The following TANC2 variants were observed in gnomAD, a reference collection of about 807,000 sequenced individuals.
TANC2 encodes protein TANC2.
Under a neutral mutation model 210.5 loss-of-function variants are expected in TANC2, and 26 were observed. That is an observed-to-expected ratio of 0.12 (90% CI 0.09 to 0.17). The LOEUF is 0.17. Among genes scored for constraint, TANC2 ranks in the 10% least tolerant of loss-of-function variants. The probability of loss-of-function intolerance (pLI) is 1.00; values close to 1 mark genes in which losing one functional copy is unlikely to be tolerated. For missense variants in TANC2, 2,129 were observed against 2,608.9 expected (o/e 0.82, Z 4.01); for synonymous variants, 931 against 967.1 (o/e 0.96, Z 0.69).
intron 5 of TANC2, among the ~76,000 whole-genome samples, chr17:63,156,976 C>T (rs369156137): frequency 4.6e-5 from 7 of 152,176 alleles, no homozygotes; most frequent in Non-Finnish European, 1.0e-4. Context: ...AGATTATAGG[C>T]GTGAGCCACC....
intron 14 of TANC2, among the ~76,000 whole-genome samples, chr17:63,356,457 CTG>C (rs1179434565): frequency 6.6e-6 from 1 of 152,148 alleles, no homozygotes; most frequent in Non-Finnish European, 1.5e-5. Context: ...GAATAAAACT[CTG>C]TGTTCATGCT....
At chr17:63,200,628 G>A (rs993164642) in intron 6 of TANC2, 143 bp from the exon 7 acceptor site, 41 of 673,216 alleles carry the variant, frequency 6.1e-5, no homozygotes, top group Admixed American at 2.6e-4. Flanking sequence ...GTCCTTATCC[G>A]AGAAAGCAAA....
intron 5 of TANC2, among the ~76,000 whole-genome samples, chr17:63,179,566 A>T (rs1041986897): frequency 6.6e-6 from 1 of 152,344 alleles, no homozygotes; most frequent in East Asian, 1.9e-4. Context: ...ATTATTCCAG[A>T]AATAAACTTC....
chr17:63,274,474 A>G (rs548462012), intron 9 of TANC2, among the ~76,000 whole-genome samples: 1 of 152,330 alleles, frequency 6.6e-6, no homozygotes, highest in East Asian at 1.9e-4. Flanking sequence ...TGTCTTTGAT[A>G]GATATTAATT....
At chr17:63,168,363 A>G (rs1172643555) in intron 5 of TANC2, among the ~76,000 whole-genome samples, 1 of 152,156 alleles carries the variant, frequency 6.6e-6, no homozygotes, top group African/African-American at 2.4e-5. Flanking sequence ...CCCCAGTTGC[A>G]TGTTAATAAT....
At chr17:63,312,483 T>C (rs12600641) in intron 9 of TANC2, among the ~76,000 whole-genome samples, 21,555 of 152,206 alleles carry the variant, frequency 0.14, 1,977 homozygotes, top group Middle Eastern at 0.21. Context: ...AACCAAATTC[T>C]ACATGTCCTC....
intron 8 of TANC2, among the ~76,000 whole-genome samples, chr17:63,261,448 T>G (rs1297743870): frequency 2.0e-5 from 3 of 152,078 alleles, no homozygotes; most frequent in Non-Finnish European, 4.4e-5. Context: ...ATGAAGGGGA[T>G]CCTGCTCAGC....
chr17:63,220,713 A>ATATATATATATATATATATATATAT (rs1302451440), intron 7 of TANC2, among the ~76,000 whole-genome samples: 16 of 140,554 alleles, frequency 1.1e-4, no homozygotes, highest in Non-Finnish European at 2.5e-4. Flanking sequence ...CAAAAAAAAA[A>ATATATATATATATATATATATATAT]AAAAAAATAT....
chr17:62,989,361 C>T (rs2143549306), intron 1 of TANC2, among the ~76,000 whole-genome samples: 2 of 152,274 alleles, frequency 1.3e-5, no homozygotes, highest in South Asian at 4.1e-4. Context: ...AGAAGTGTCG[C>T]TGAGTGCAAA....
At chr17:63,411,956 C>G in intron 22 of TANC2, 42 bp from the exon 23 acceptor site, 1 of 1,610,858 alleles carries the variant, frequency 6.2e-7, no homozygotes, top group Non-Finnish European at 8.5e-7. Flanking sequence ...AGTGCTGAGC[C>G]ATTACGCCTG....
Position 63,318,879 on chromosome 17 carries a change from G to T in TANC2, c.1442-78G>T. 8 of 1,518,240 alleles carry T rather than the reference G, an allele frequency of 5.3e-6. No individual in the cohort carries two copies. In the South Asian group the frequency reaches 9.3e-5, roughly 18 times the overall value. The allele number at this position is 1,518,240 out of a possible 1,614,324, so 94.0% of individuals were successfully genotyped here. A position where few individuals can be genotyped will look rare whatever the true frequency, so the allele number is the denominator to read the frequency against. On this transcript the variant is annotated intron_variant, in intron 10 of 27. Transcript: ENST00000689528. The stretch of plus-strand genomic sequence containing the variant: ...TTAGGAGCAGAATTGTTAGATCATA[G>T]AACAAATGGAATTTAGCCATTTTTC...
intron 14 of TANC2, among the ~76,000 whole-genome samples, chr17:63,377,195 T>C (rs994710770): frequency 6.6e-6 from 1 of 152,202 alleles, no homozygotes. Flanking sequence ...CATGAAAACC[T>C]TCAACGTGCC....
chr17:63,392,605 A>G (rs374634094), intron 17 of TANC2, among the ~76,000 whole-genome samples: 54 of 152,264 alleles, frequency 3.5e-4, no homozygotes, highest in South Asian at 1.5e-3. Context: ...CATCTCATCT[A>G]TTACACACCA....
At chr17:63,232,459 T>A (rs1394220803) in intron 7 of TANC2, among the ~76,000 whole-genome samples, 1 of 152,268 alleles carries the variant, frequency 6.6e-6, no homozygotes, top group African/African-American at 2.4e-5. Context: ...TTTTTGCTAA[T>A]GCTGTTGTTG....
intron 8 of TANC2, among the ~76,000 whole-genome samples, chr17:63,261,816 C>G (rs1236236030): frequency 6.6e-6 from 1 of 152,186 alleles, no homozygotes; most frequent in African/African-American, 2.4e-5. Flanking sequence ...ACATTTTCAG[C>G]ACAACAAACT....
chr17:63,406,254 C>T, exon 21 of TANC2: 1 of 1,613,852 alleles, frequency 6.2e-7, no homozygotes, highest in Non-Finnish European at 8.5e-7. Flanking sequence ...CATCTAGGAA[C>T]CGTGGACTTT....
intron 8 of TANC2, among the ~76,000 whole-genome samples, chr17:63,245,170 G>C (rs1433881544): frequency 6.6e-6 from 1 of 152,152 alleles, no homozygotes; most frequent in East Asian, 1.9e-4. Flanking sequence ...ATGTTGCTCT[G>C]ATGAGGGCTT....
intron 5 of TANC2, among the ~76,000 whole-genome samples, chr17:63,164,129 C>CTTTTTT (rs529912657): frequency 2.4e-5 from 3 of 126,820 alleles, no homozygotes; most frequent in African/African-American, 5.8e-5. Context: ...GCATCAGCAG[C>CTTTTTT]TTTTTTTTTT....
intron 18 of TANC2, chr17:63,397,004 G>A (rs914844463): frequency 2.0e-5 from 3 of 152,062 alleles, no homozygotes; most frequent in African/African-American, 7.2e-5. Flanking sequence ...GCTGGGCGTG[G>A]TGGCTCACGC....
Sources: allele counts gnomAD v4.1 joint callset (sites outside exome capture counted in the v4.1 genomes callset), GRCh38; gene constraint gnomAD v4.1.1; transcripts MANE v1.5; gene names NCBI Gene and HGNC (gene_info 2026-07-23, HGNC 2026-07-21).